CNTN4: variants seen among roughly 807,000 people sequenced by gnomAD.
CNTN4 encodes contactin 4.
CNTN4 carries 77 observed loss-of-function variants against 122.5 expected under a neutral mutation model. That is an observed-to-expected ratio of 0.63 (90% CI 0.52 to 0.76). The LOEUF (loss-of-function observed/expected upper bound fraction) is 0.76, where lower values mean the gene tolerates loss of function less well. Among genes scored for constraint, CNTN4 ranks in the 30% least tolerant of loss-of-function variants. The pLI is 0.00. For missense variants in CNTN4, 1,256 were observed against 1,259.1 expected (o/e 1.00, Z 0.04); for synonymous variants, 512 against 447.0 (o/e 1.15, Z -1.83).
intron 4 of CNTN4, among the ~76,000 whole-genome samples, chr3:2,593,725 C>A (rs1007269703): frequency 2.0e-5 from 3 of 151,964 alleles, no homozygotes; most frequent in African/African-American, 7.3e-5. Flanking sequence ...GTGTTAGCTG[C>A]TTTTGGATTC....
chr3:2,621,495 C>T (rs1172965422), intron 4 of CNTN4, among the ~76,000 whole-genome samples: 6 of 148,308 alleles, frequency 4.0e-5, no homozygotes, highest in Admixed American at 6.7e-5. Context: ...CGGGGCCTGT[C>T]GGGGGGTGGG....
intron 4 of CNTN4, among the ~76,000 whole-genome samples, chr3:2,664,797 C>T (rs750656713): frequency 2.1e-4 from 32 of 152,248 alleles, no homozygotes; most frequent in Non-Finnish European, 4.0e-4. Flanking sequence ...GCTTAGTATG[C>T]GATGACACAA....
intron 2 of CNTN4, among the ~76,000 whole-genome samples, chr3:2,333,316 C>T (rs1365686500): frequency 6.6e-6 from 1 of 152,204 alleles, no homozygotes; most frequent in Non-Finnish European, 1.5e-5. Flanking sequence ...ATGCCTGTGT[C>T]ACCTTGATAG....
chr3:2,500,051 A>T (rs758362021), intron 3 of CNTN4, among the ~76,000 whole-genome samples: 13 of 152,272 alleles, frequency 8.5e-5, no homozygotes, highest in Middle Eastern at 6.8e-3. Flanking sequence ...TAATGTATAC[A>T]AATACAATAG....
intron 4 of CNTN4, among the ~76,000 whole-genome samples, chr3:2,665,424 C>T (rs571048926): frequency 6.6e-6 from 1 of 151,928 alleles, no homozygotes; most frequent in Non-Finnish European, 1.5e-5. Flanking sequence ...GATAAACAAC[C>T]CTTTATAAAT....
intron 2 of CNTN4, among the ~76,000 whole-genome samples, chr3:2,224,224 G>A (rs750976403): frequency 2.6e-5 from 4 of 152,088 alleles, no homozygotes; most frequent in Non-Finnish European, 5.9e-5. Flanking sequence ...GCACATTCTG[G>A]TCTTCTACAG....
At chr3:2,287,046 A>G (rs1306032700) in intron 2 of CNTN4, among the ~76,000 whole-genome samples, 1 of 152,198 alleles carries the variant, frequency 6.6e-6, no homozygotes. Flanking sequence ...TGTTCAGGGC[A>G]CATTGTCTCA....
intron 4 of CNTN4, among the ~76,000 whole-genome samples, chr3:2,675,400 G>C (rs2084787771): frequency 6.6e-6 from 1 of 152,030 alleles, no homozygotes; most frequent in African/African-American, 2.4e-5. Flanking sequence ...TCACCTAAAT[G>C]CCACTTTCTC....
chr3:2,877,267 A>T (rs956684280), intron 8 of CNTN4, among the ~76,000 whole-genome samples: 1 of 152,186 alleles, frequency 6.6e-6, no homozygotes, highest in Non-Finnish European at 1.5e-5. Flanking sequence ...ATGGCTTATT[A>T]TTGGTGTCAA....
chr3:2,283,344 A>C (rs1013813672), intron 2 of CNTN4, among the ~76,000 whole-genome samples: 1 of 152,164 alleles, frequency 6.6e-6, no homozygotes, highest in African/African-American at 2.4e-5. Context: ...TAAGAAACAC[A>C]TATTACAATC....
At chr3:2,831,805 C>G (rs2093111425) in intron 7 of CNTN4, among the ~76,000 whole-genome samples, 1 of 152,196 alleles carries the variant, frequency 6.6e-6, no homozygotes. Flanking sequence ...TTTACACATC[C>G]TCTCATTCCC....
chr3:2,719,314 T>C (rs997103087), intron 4 of CNTN4, among the ~76,000 whole-genome samples: 1 of 150,470 alleles, frequency 6.6e-6, no homozygotes, highest in African/African-American at 2.5e-5. Flanking sequence ...TTTTTTTTTT[T>C]AGACAGAGTC....
At chr3:2,814,237 G>A (rs983546822) in intron 6 of CNTN4, among the ~76,000 whole-genome samples, 1 of 152,140 alleles carries the variant, frequency 6.6e-6, no homozygotes, top group African/African-American at 2.4e-5. Context: ...ACATGTCAAT[G>A]AACCACATAT....
chr3:2,413,070 A>G (rs1260707728), intron 3 of CNTN4, among the ~76,000 whole-genome samples: 1 of 152,194 alleles, frequency 6.6e-6, no homozygotes, highest in Non-Finnish European at 1.5e-5. Context: ...AGGATTCCAT[A>G]TGATTCTACA....
chr3:2,488,040 C>A (rs191686390), intron 3 of CNTN4, among the ~76,000 whole-genome samples: 46 of 152,284 alleles, frequency 3.0e-4, no homozygotes, highest in Non-Finnish European at 4.9e-4. Context: ...GTGTACCTTA[C>A]CAATCAACAC....
chr3:2,395,774 A>C (rs972834084), intron 3 of CNTN4, among the ~76,000 whole-genome samples: 1 of 152,170 alleles, frequency 6.6e-6, no homozygotes, highest in African/African-American at 2.4e-5. Context: ...ACATGATGTC[A>C]TTCCTTTTTA....
At chr3:2,441,001 G>A (rs981665893) in intron 3 of CNTN4, among the ~76,000 whole-genome samples, 14 of 150,378 alleles carry the variant, frequency 9.3e-5, no homozygotes, top group South Asian at 2.1e-4. Context: ...GTATATGTGT[G>A]TATATATATA....
intron 7 of CNTN4, among the ~76,000 whole-genome samples, chr3:2,838,480 G>A (rs766417613): frequency 6.6e-6 from 1 of 151,244 alleles, no homozygotes; most frequent in East Asian, 1.9e-4. Context: ...ATAGAGCATG[G>A]ATGAGAGAAA....
At chr3:2,338,506 G>A (rs1051303444) in intron 2 of CNTN4, among the ~76,000 whole-genome samples, 1 of 151,854 alleles carries the variant, frequency 6.6e-6, no homozygotes, top group African/African-American at 2.4e-5. Context: ...TTACAAAGAA[G>A]TGATCTATAG....
Sources: gnomAD v4.1 joint callset for allele counts (sites outside exome capture counted in the v4.1 genomes callset) on GRCh38, gnomAD v4.1.1 for gene constraint, MANE v1.5 for transcripts, NCBI Gene and HGNC (gene_info 2026-07-23, HGNC 2026-07-21) for gene names.